CCDC85C: variants seen among roughly 807,000 people sequenced by gnomAD.
CCDC85C encodes coiled-coil domain-containing protein 85C.
A neutral mutation model predicts 38.3 loss-of-function variants in CCDC85C; 18 were observed. The observed-to-expected ratio is 0.47, with a 90% CI of 0.33 to 0.70. The LOEUF (loss-of-function observed/expected upper bound fraction) is 0.70, where lower values mean the gene tolerates loss of function less well. Ranked by LOEUF, CCDC85C falls within the 30% of genes least tolerant of loss-of-function variation. CCDC85C has a pLI of 0.03. For synonymous variants in CCDC85C, 264 were observed against 293.8 expected, an observed-to-expected ratio of 0.90 and a Z score of 1.04; for missense variants, 566 against 621.2, an observed-to-expected ratio of 0.91 and a Z score of 0.94.
intron 1 of CCDC85C, among the ~76,000 whole-genome samples, chr14:99,589,452 C>T (rs1267149809): frequency 2.0e-5 from 3 of 152,146 alleles, no homozygotes; most frequent in African/African-American, 4.8e-5. Flanking sequence ...TGGAGCCTCC[C>T]GACCACGAAC....
chr14:99,526,640 C>G (rs958394497), intron 2 of CCDC85C, among the ~76,000 whole-genome samples: 113 of 152,288 alleles, frequency 7.4e-4, no homozygotes, highest in Non-Finnish European at 1.1e-3. Context: ...CACCCCGTCC[C>G]CAAGACCTGG....
At chr14:99,589,903 C>T (rs866286665) in intron 1 of CCDC85C, among the ~76,000 whole-genome samples, 2 of 152,262 alleles carry the variant, frequency 1.3e-5, no homozygotes, top group African/African-American at 4.8e-5. Flanking sequence ...ACCGCAGCCA[C>T]GCCCACGGCG....
At chr14:99,592,454 C>T (rs543631801) in intron 1 of CCDC85C, among the ~76,000 whole-genome samples, 8 of 152,160 alleles carry the variant, frequency 5.3e-5, no homozygotes, top group Non-Finnish European at 1.2e-4. Flanking sequence ...CAGCCCAGGG[C>T]GATGTTTTCC....
rs368497845 is a variant in CCDC85C, at chr14:99,521,233, C to T, written c.975+900G>A. Among the ~76,000 whole-genome samples, 27 of 152,356 alleles carry T rather than the reference C, an allele frequency of 1.8e-4. No individual in the cohort carries two copies. In the South Asian group the frequency reaches 5.0e-3, roughly 28 times the overall value. Reference sequence around the variant, plus strand: ...AAACAGTTAGAGCCTCGTTCAGCCACGGGACTCCGGATAAATGCTTGGAAT... The same window carrying T: ...AAACAGTTAGAGCCTCGTTCAGCCATGGGACTCCGGATAAATGCTTGGAAT... On this transcript the variant is annotated intron_variant, in intron 3 of 5. Coordinates refer to ENST00000380243, the MANE Select transcript of CCDC85C (RefSeq NM_001144995.2).
intron 1 of CCDC85C, among the ~76,000 whole-genome samples, chr14:99,583,499 T>C (rs1337136586): frequency 2.0e-5 from 2 of 101,074 alleles, no homozygotes; most frequent in Non-Finnish European, 3.8e-5. Context: ...CAAAACTCCT[T>C]CTCAAAAAAA....
intron 1 of CCDC85C, among the ~76,000 whole-genome samples, chr14:99,560,007 T>TA (rs3070369): frequency 3.3e-3 from 479 of 146,936 alleles, no homozygotes; most frequent in African/African-American, 0.011. Flanking sequence ...CCTTTGAAAT[T>TA]AAAAAAAAAA....
In CCDC85C at chr14:99,603,777, C is replaced by G; in HGVS notation, c.183G>C (p.Gln61His). 5.2e-6 allele frequency: 8 copies of G among 1,526,320 alleles called. No homozygotes were observed. The highest frequency in any genetic ancestry group is 7.0e-6 in the Non-Finnish European group (8 of 1,142,756). The allele number at this position is 1,526,320 out of a possible 1,614,324, so 94.5% of individuals were successfully genotyped here. ...GLMRDVNRRL[Q>H]QHLLEIRGLK... ...GGCCGCGGATCTCCAGCAGGTGCTG[C>G]TGCAGCCGCCGGTTCACGTCGCGCA... Residue 61 changes from glutamine to histidine, a missense_variant, in exon 1 of 6, where the codon CAG (glutamine) becomes CAC (histidine). Gln to His is a conservative substitution (Grantham distance 24). Around this residue, in one of 3 missense-constraint regions of CCDC85C, gnomAD observed 269 missense variants for 308.2 expected, o/e 0.87. Coordinates refer to ENST00000380243, the MANE Select transcript of CCDC85C (RefSeq NM_001144995.2). The surrounding 1 kb of genome is among the most constrained non-coding windows in gnomAD (Gnocchi z 7.5).
In CCDC85C at chr14:99,603,867, C is replaced by T; in HGVS notation, c.93G>A (p.Leu31=). The change falls in exon 1 of 6, where the codon CTG becomes CTA. Residue 31 remains leucine (L), a synonymous_variant. Transcript: ENST00000380243. The surrounding 1 kb of genome is among the most constrained non-coding windows in gnomAD (Gnocchi z 7.5). The part of the protein sequence containing the change: ...EELLRWSKEE[L]ARRLRRAEGE... ...CCTCGGCGCGCCGCAGCCGCCGCGC[C>T]AGCTCCTCCTTGCTCCAGCGCAGCA... 6.6e-7 allele frequency: 1 copy of T among 1,515,574 alleles called. No homozygotes were observed. Among genetic ancestry groups the T allele is most frequent in the South Asian group, 1.2e-5 (1 of 81,536 alleles). The allele number at this position is 1,515,574 out of a possible 1,614,324, so 93.9% of individuals were successfully genotyped here.
In CCDC85C at chr14:99,533,230, G is replaced by A. The variant is rs558409099; in HGVS notation, c.867+2785C>T. Among the ~76,000 whole-genome samples, 39 of 152,316 alleles carry A rather than the reference G, an allele frequency of 2.6e-4. No homozygotes were observed. Among genetic ancestry groups the A allele is most frequent in the African/African-American group, 5.3e-4 (22 of 41,572 alleles). On this transcript the variant is annotated intron_variant, in intron 2 of 5. Coordinates refer to ENST00000380243, the MANE Select transcript of CCDC85C (RefSeq NM_001144995.2). This position sits in a 1 kb window ranked among gnomAD's most constrained non-coding sequence, Gnocchi z 4.2. ...AGCAGCATACGGCTGCCTCCTTTCA[G>A]GGTACTGGGTATGGCCCTGACAACA...
At position 99,603,897 on chromosome 14, in the gene CCDC85C, C is replaced by T. The variant is rs975874132; in HGVS notation, c.63G>A (p.Glu21=). Reference sequence around the variant, plus strand: ...CCTCCTTGCTCCAGCGCAGCAGCTCCTCGTCCGGCACCTGGCTCAGCTCCT... The same window carrying T: ...CCTCCTTGCTCCAGCGCAGCAGCTCTTCGTCCGGCACCTGGCTCAGCTCCT... ...ASEELSQVPD[E]ELLRWSKEEL... The change falls in exon 1 of 6, where the codon GAG becomes GAA. Residue 21 remains glutamate (E), a synonymous_variant. Coordinates refer to ENST00000380243, the MANE Select transcript of CCDC85C (RefSeq NM_001144995.2). This position sits in a 1 kb window ranked among gnomAD's most constrained non-coding sequence, Gnocchi z 7.5. The T allele has an allele frequency of 6.7e-7, 1 of 1,491,800 alleles. No homozygotes were observed. Among genetic ancestry groups the T allele is most frequent in the Non-Finnish European group, 8.9e-7 (1 of 1,126,022 alleles). 92.4% of individuals were successfully genotyped at this position (1,491,800 alleles called of 1,614,324 possible). A position where few individuals can be genotyped will look rare whatever the true frequency, so the allele number is the denominator to read the frequency against.
chr14:99,533,154 T>C lies in CCDC85C; in HGVS notation c.867+2861A>G, dbSNP rs1188956225. 6.6e-6 allele frequency among the ~76,000 whole-genome samples: 1 copy of C among 152,098 alleles called. No individual in the cohort carries two copies. The highest frequency in any genetic ancestry group is 1.5e-5 in the Non-Finnish European group (1 of 68,010). On this transcript the variant is annotated intron_variant, in intron 2 of 5. Coordinates refer to ENST00000380243, the MANE Select transcript of CCDC85C (RefSeq NM_001144995.2). The surrounding 1 kb of genome is among the most constrained non-coding windows in gnomAD (Gnocchi z 4.2). ...AGCTCCTGGAGCCTTTGTTATGAGG[T>C]TCAGGGGCCTCCACTGCAGCATGGG... is the stretch of plus-strand genomic sequence containing the variant.
intron 1 of CCDC85C, among the ~76,000 whole-genome samples, chr14:99,574,379 T>C (rs987188539): frequency 6.6e-6 from 1 of 152,078 alleles, no homozygotes; most frequent in African/African-American, 2.4e-5. Flanking sequence ...CTCCGTGCTA[T>C]ATCCCGGCCA....
Position 99,562,843 on chromosome 14 carries a change from ACACT to A in CCDC85C, c.794-26759_794-26756del, listed in dbSNP as rs539155882. On this transcript the variant is annotated intron_variant, in intron 1 of 5. Transcript: ENST00000380243. ...CATCCACACACAAGTGCATATTCAC[ACACT>A]CACCCTCATATGCACACACACACCC... 1.7e-3 allele frequency among the ~76,000 whole-genome samples: 252 copies of A among 152,170 alleles called. 2 individuals are homozygous for A. The highest frequency in any genetic ancestry group is 3.0e-3 in the Non-Finnish European group (201 of 67,992).
intron 1 of CCDC85C, among the ~76,000 whole-genome samples, chr14:99,560,800 A>C (rs912289126): frequency 3.3e-5 from 5 of 152,224 alleles, no homozygotes; most frequent in Non-Finnish European, 5.9e-5. Context: ...AGGTTTGTTC[A>C]TCAACAGCCA....
In CCDC85C at chr14:99,603,815, G is replaced by A; in HGVS notation, c.145C>T (p.His49Tyr). 1 of 1,525,052 alleles carries A rather than the reference G, an allele frequency of 6.6e-7. No individual in the cohort carries two copies. The highest frequency in any genetic ancestry group is 1.2e-5 in the South Asian group (1 of 82,338). The allele number at this position is 1,525,052 out of a possible 1,614,324, so 94.5% of individuals were successfully genotyped here. Residue 49 changes from histidine to tyrosine, a missense_variant, in exon 1 of 6, where the codon CAC (histidine) becomes TAC (tyrosine). By Grantham distance (83) the His-to-Tyr change is moderately conservative. Transcript: ENST00000380243. The surrounding 1 kb of genome is among the most constrained non-coding windows in gnomAD (Gnocchi z 7.5). ...EGEKVGLMLE[H>Y]GGLMRDVNRR... ...TTCACGTCGCGCATCAGGCCGCCGT[G>A]CTCCAGCATGAGGCCCACCTTCTCG...
At chr14:99,573,393 G>T (rs935230545) in intron 1 of CCDC85C, among the ~76,000 whole-genome samples, 1 of 152,230 alleles carries the variant, frequency 6.6e-6, no homozygotes, top group Non-Finnish European at 1.5e-5. Context: ...TTTGTTCTGA[G>T]CTCCACTGAA....
chr14:99,528,895 T>A (rs1029990577), intron 2 of CCDC85C, among the ~76,000 whole-genome samples: 2 of 152,168 alleles, frequency 1.3e-5, no homozygotes, highest in African/African-American at 4.8e-5. Flanking sequence ...CTGGGCTTAT[T>A]ACCTAGGCCA....
intron 1 of CCDC85C, among the ~76,000 whole-genome samples, chr14:99,539,682 C>A (rs555011356): frequency 2.0e-5 from 3 of 152,054 alleles, no homozygotes; most frequent in African/African-American, 7.2e-5. Context: ...ACAATGGCTG[C>A]GACGTTTAAA....
intron 1 of CCDC85C, among the ~76,000 whole-genome samples, chr14:99,566,698 T>C (rs1308919577): frequency 6.6e-6 from 1 of 152,220 alleles, no homozygotes; most frequent in Non-Finnish European, 1.5e-5. Context: ...TGAAAAGGCC[T>C]GTAAGCAAAC....
Sources: allele counts gnomAD v4.1 joint callset (sites outside exome capture counted in the v4.1 genomes callset), GRCh38; gene constraint gnomAD v4.1.1; regional missense constraint gnomAD v4.1.1; non-coding constraint Gnocchi (gnomAD v3.1); transcripts MANE v1.5; gene names NCBI Gene and HGNC (gene_info 2026-07-23, HGNC 2026-07-21).